Variants in DCLK1 observed in about 807,000 individuals in gnomAD.
The protein encoded by DCLK1 is doublecortin like kinase 1.
DCLK1 carries 16 observed loss-of-function variants against 86.2 expected under a neutral mutation model. The ratio of observed to expected loss-of-function variants is 0.19; its 90% confidence interval spans 0.13 to 0.28. The LOEUF (loss-of-function observed/expected upper bound fraction) is 0.28, where lower values mean the gene tolerates loss of function less well. Among genes scored for constraint, DCLK1 ranks in the 10% least tolerant of loss-of-function variants. DCLK1 has a pLI of 1.00. For synonymous variants in DCLK1, 369 were observed against 370.5 expected (o/e 1.00, Z 0.05); for missense variants, 590 against 940.2 (o/e 0.63, Z 4.87).
chr13:36,041,901 A>G lies in DCLK1; in HGVS notation c.723+69968T>C, dbSNP rs189422995. Among the ~76,000 whole-genome samples, 4 of 152,344 alleles carry G rather than the reference A, an allele frequency of 2.6e-5. No homozygotes were observed. In the East Asian group the frequency reaches 7.7e-4, roughly 29 times the overall value. On this transcript the variant is annotated intron_variant, in intron 3 of 16. Transcript: ENST00000360631. ...ATTATGCATTAGTAAGAATACGAGA[A>G]TACAAATTCATTCTCTCAAAAATGA...
chr13:36,047,652 T>C (rs2153156582), intron 3 of DCLK1, among the ~76,000 whole-genome samples: 1 of 151,884 alleles, frequency 6.6e-6, no homozygotes, highest in East Asian at 1.9e-4. Context: ...CTCATAGAAA[T>C]GGAGAGTAGA....
rs780538312 is a variant in DCLK1, at chr13:35,811,337, CA to C, written c.1555-370del. ...GTCCATTAAAGAAAAAAAGTACATA[CA>C]AAAAAAAAAGAAAAAGTCTGAAAGA... On this transcript the variant is annotated intron_variant, in intron 11 of 16. Coordinates refer to ENST00000360631, the MANE Select transcript of DCLK1 (RefSeq NM_001330071.2). Among the ~76,000 whole-genome samples the C allele has an allele frequency of 1.2e-3, 165 of 138,638 alleles. 3 individuals are homozygous for C. The highest frequency in any genetic ancestry group is 3.7e-4 in the African/African-American group (14 of 37,440). The allele number at this position is 138,638 out of a possible 152,430, so 91.0% of individuals were successfully genotyped here.
chr13:36,108,807 T>A (rs913184414), intron 3 of DCLK1, among the ~76,000 whole-genome samples: 1 of 152,170 alleles, frequency 6.6e-6, no homozygotes, highest in Non-Finnish European at 1.5e-5. Flanking sequence ...AACTATTTTT[T>A]AAAAAGGTGG....
Position 35,930,516 on chromosome 13 carries a change from G to A in DCLK1, c.823+16842C>T, listed in dbSNP as rs568269233. 1.2e-4 allele frequency among the ~76,000 whole-genome samples: 19 copies of A among 152,236 alleles called. No homozygotes were observed. The South Asian group carries it at 1.7e-3, about 13-fold the overall frequency. ...CTCAAGAGACTGAGGCAGAAGAATC[G>A]TTTGAACCCAGGAGAGGAGGTTGCA... On this transcript the variant is annotated intron_variant, in intron 4 of 16. Coordinates refer to ENST00000360631, the MANE Select transcript of DCLK1 (RefSeq NM_001330071.2).
intron 3 of DCLK1, among the ~76,000 whole-genome samples, chr13:36,059,791 G>C (rs894612006): frequency 6.6e-6 from 1 of 151,778 alleles, no homozygotes; most frequent in African/African-American, 2.4e-5. Context: ...CTGATTTTCA[G>C]AATACCCTAA....
At chr13:35,979,558 G>A (rs1050281918) in intron 3 of DCLK1, among the ~76,000 whole-genome samples, 3 of 152,184 alleles carry the variant, frequency 2.0e-5, no homozygotes, top group African/African-American at 7.2e-5. Context: ...CCAAAGTACT[G>A]ACTCATAGCA....
intron 11 of DCLK1, among the ~76,000 whole-genome samples, chr13:35,812,642 G>A (rs1288083858): frequency 6.6e-5 from 10 of 152,268 alleles, no homozygotes; most frequent in Non-Finnish European, 7.3e-5. Context: ...GAAGCAGGCA[G>A]TCAGATCCAC....
intron 16 of DCLK1, among the ~76,000 whole-genome samples, chr13:35,783,327 T>A (rs1042952453): frequency 2.0e-5 from 3 of 152,044 alleles, no homozygotes; most frequent in African/African-American, 4.8e-5. Flanking sequence ...TTTTTTTTTT[T>A]AGTTTCTTCT....
At chr13:35,945,003 C>T (rs374990637) in intron 4 of DCLK1, among the ~76,000 whole-genome samples, 19 of 152,226 alleles carry the variant, frequency 1.2e-4, no homozygotes, top group East Asian at 9.7e-4. Context: ...CCAGGCTCAA[C>T]CATTCTCCTG....
chr13:36,023,251 G>A (rs751273248), intron 3 of DCLK1, among the ~76,000 whole-genome samples: 4 of 152,140 alleles, frequency 2.6e-5, no homozygotes, highest in Non-Finnish European at 5.9e-5. Context: ...ATGTGATTAC[G>A]GAGACTGGCA....
chr13:35,987,246 A>G (rs895958405), intron 3 of DCLK1, among the ~76,000 whole-genome samples: 1 of 152,028 alleles, frequency 6.6e-6, no homozygotes, highest in African/African-American at 2.4e-5. Flanking sequence ...ACATGGTGAA[A>G]CCCTGTCTCT....
chr13:35,969,369 A>T (rs1229205592), intron 3 of DCLK1, among the ~76,000 whole-genome samples: 1 of 152,148 alleles, frequency 6.6e-6, no homozygotes, highest in Non-Finnish European at 1.5e-5. Context: ...GAGAAGATAG[A>T]GAGGAGAAAG....
intron 11 of DCLK1, among the ~76,000 whole-genome samples, chr13:35,813,371 T>A (rs2087192220): frequency 1.3e-5 from 2 of 152,212 alleles, no homozygotes; most frequent in African/African-American, 4.8e-5. Flanking sequence ...CAGATGTTGG[T>A]GGATTCAGTC....
chr13:35,847,264 C>A, intron 6 of DCLK1: 2 of 985,158 alleles, frequency 2.0e-6, no homozygotes, highest in South Asian at 9.4e-5. Flanking sequence ...GTTGAGCAAA[C>A]TGCTTTTTAA....
At chr13:35,850,845 G>T in intron 6 of DCLK1, 1 of 1,371,622 alleles carries the variant, frequency 7.3e-7, no homozygotes. Context: ...TCTCGTGAGA[G>T]CAGCACTGAA....
intron 4 of DCLK1, among the ~76,000 whole-genome samples, chr13:35,894,440 G>A (rs541102058): frequency 5.9e-5 from 9 of 152,310 alleles, no homozygotes; most frequent in South Asian, 4.1e-4. Context: ...AAGGGCTCTC[G>A]CAGTGGAGAG....
intron 3 of DCLK1, among the ~76,000 whole-genome samples, chr13:35,987,426 G>C (rs1425534875): frequency 6.6e-6 from 1 of 152,092 alleles, no homozygotes; most frequent in Non-Finnish European, 1.5e-5. Context: ...TTTCTACTGA[G>C]AGCAGTGAGG....
chr13:36,037,814 A>G (rs888281389), intron 3 of DCLK1, among the ~76,000 whole-genome samples: 1 of 152,144 alleles, frequency 6.6e-6, no homozygotes, highest in Non-Finnish European at 1.5e-5. Context: ...CATTATATGA[A>G]TTTATCTAAT....
chr13:36,106,895 C>T (rs1344544385), intron 3 of DCLK1, among the ~76,000 whole-genome samples: 1 of 152,022 alleles, frequency 6.6e-6, no homozygotes, highest in Non-Finnish European at 1.5e-5. Context: ...GCACTCTAAA[C>T]CCAAGAGTCG....
Sources: allele counts gnomAD v4.1 joint callset (sites outside exome capture counted in the v4.1 genomes callset), GRCh38; gene constraint gnomAD v4.1.1; transcripts MANE v1.5; gene names NCBI Gene and HGNC (gene_info 2026-07-23, HGNC 2026-07-21).